JAK2: variants seen among roughly 807,000 people sequenced by gnomAD.
JAK2 encodes tyrosine-protein kinase JAK2.
JAK2 carries 86 observed loss-of-function variants against 139.3 expected under a neutral mutation model. That is an observed-to-expected ratio of 0.62 (90% CI 0.52 to 0.74). The LOEUF is 0.74. JAK2 is among the 30% of genes least tolerant of loss of function. The pLI, the probability that JAK2 is intolerant of heterozygous loss-of-function variation, is 0.00. For synonymous variants in JAK2, 490 were observed against 437.7 expected (o/e 1.12, Z -1.49); for missense variants, 1,421 against 1,360.3 (o/e 1.04, Z -0.70).
intron 10 of JAK2, 103 bp from the exon 11 acceptor site, chr9:5,068,919 T>G: frequency 1.5e-6 from 1 of 671,580 alleles, no homozygotes; most frequent in Non-Finnish European, 2.5e-6. Flanking sequence ...ATGGTTCAAA[T>G]GTTTATTCTG....
intron 22 of JAK2, chr9:5,099,210 G>A (rs759855840): frequency 2.4e-4 from 36 of 152,062 alleles, no homozygotes; most frequent in Non-Finnish European, 3.8e-4. Context: ...TAACCACTGG[G>A]CGACCAGGTC....
intron 2 of JAK2, among the ~76,000 whole-genome samples, chr9:4,999,722 T>G (rs1820816123): frequency 6.6e-6 from 1 of 152,228 alleles, no homozygotes; most frequent in African/African-American, 2.4e-5. Context: ...GTGCTAGGAT[T>G]ACAGGCGTGA....
chr9:4,993,223 A>G (rs1405316101), intron 2 of JAK2, among the ~76,000 whole-genome samples: 2 of 152,204 alleles, frequency 1.3e-5, no homozygotes, highest in East Asian at 1.9e-4. Context: ...CTGTGGGACA[A>G]CACCCTTAAG....
chr9:5,002,129 G>T (rs781310843), intron 2 of JAK2, among the ~76,000 whole-genome samples: 1 of 151,720 alleles, frequency 6.6e-6, no homozygotes, highest in Non-Finnish European at 1.5e-5. Context: ...TAAAAACAAA[G>T]TTTTGGTTTG....
rs1740671958 is a variant in JAK2, at chr9:5,090,897, A to T, written c.3045A>T (p.Glu1015Asp). 1 of 1,603,140 alleles carries T rather than the reference A, an allele frequency of 6.2e-7. No homozygotes were observed. The highest frequency in any genetic ancestry group is 1.4e-5 in the African/African-American group (1 of 74,056). The change falls in exon 22 of 25, where the codon GAA becomes GAT. Residue 1015 changes from glutamate (E) to aspartate (D), a missense_variant. Transcript: ENST00000381652. ...KEYYKVKEPGESPIFWYAPES... is the reference protein window; with the variant it reads ...KEYYKVKEPGDSPIFWYAPES... ...ACTATAAAGTAAAAGAACCTGGTGA[A>T]AGTCCCATATTCTGGTGAGTATATT... is the stretch of plus-strand genomic sequence containing the variant.
rs145666371 is a variant in JAK2 at position 4,989,844 on chromosome 9, G to T, written c.-26+3822G>T. On this transcript the variant is annotated intron_variant, in intron 2 of 24. Coordinates refer to ENST00000381652, the MANE Select transcript of JAK2 (RefSeq NM_004972.4). Reference sequence around the variant, plus strand: ...GTGTGAAAGAGTAGTAAGAAATTGTGTTAAAAATGTAGTTGGAATTTGATT... The same window carrying T: ...GTGTGAAAGAGTAGTAAGAAATTGTTTTAAAAATGTAGTTGGAATTTGATT... Among the ~76,000 whole-genome samples, 11 of 152,312 alleles carry T rather than the reference G, an allele frequency of 7.2e-5. No individual in the cohort carries two copies. In the East Asian group the frequency reaches 1.9e-3, roughly 27 times the overall value.
chr9:5,026,407 C>G (rs143015863), intron 3 of JAK2, among the ~76,000 whole-genome samples: 1 of 151,920 alleles, frequency 6.6e-6, no homozygotes, highest in Admixed American at 6.6e-5. Flanking sequence ...AATAACTTAC[C>G]GAAATTATTA....
In JAK2 at chr9:5,118,869, C is replaced by T. The variant is rs916056613; in HGVS notation, c.3060-4135C>T. Among the ~76,000 whole-genome samples the T allele has an allele frequency of 2.6e-5, 4 of 152,178 alleles. No homozygotes were observed. In the East Asian group the frequency reaches 7.7e-4, roughly 29 times the overall value. ...TATTAAAAGCAGAGAATTAAAACCA[C>T]TTGACTTTCAAAAATGAGTTTACTA... On this transcript the variant is annotated intron_variant, in intron 22 of 24. Coordinates refer to ENST00000381652, the MANE Select transcript of JAK2 (RefSeq NM_004972.4).
intron 3 of JAK2, among the ~76,000 whole-genome samples, chr9:5,026,673 A>G (rs1822803048): frequency 6.6e-6 from 1 of 152,098 alleles, no homozygotes; most frequent in South Asian, 2.1e-4. Context: ...ACTTCTAAAG[A>G]CTTGTTTTGA....
chr9:5,103,221 C>CAAAAAAAAAAAAAAAAAAA (rs56691830), intron 22 of JAK2, among the ~76,000 whole-genome samples: 4 of 6,872 alleles, frequency 5.8e-4, no homozygotes, highest in African/African-American at 1.2e-3. Flanking sequence ...AAAGGGAAAG[C>CAAAAAAAAAAAAAAAAAAA]AAAAAAAAAA....
At chr9:5,037,769 C>A (rs1407865181) in intron 4 of JAK2, among the ~76,000 whole-genome samples, 3 of 152,076 alleles carry the variant, frequency 2.0e-5, no homozygotes, top group Non-Finnish European at 4.4e-5. Flanking sequence ...TGACGAGTTA[C>A]TGGGTGCAGC....
intron 22 of JAK2, chr9:5,112,393 G>GGGA (rs1420718398): frequency 4.6e-6 from 2 of 439,202 alleles, no homozygotes; most frequent in African/African-American, 2.1e-5. Flanking sequence ...GAAATCAAGC[G>GGGA]GGAGGAGGAG....
chr9:5,094,957 C>T (rs1452390727), intron 22 of JAK2: 1 of 152,174 alleles, frequency 6.6e-6, no homozygotes, highest in Non-Finnish European at 1.5e-5. Flanking sequence ...CTACCACTTA[C>T]ATTAGCATTC....
At chr9:4,988,815 A>G (rs1006320314) in intron 2 of JAK2, among the ~76,000 whole-genome samples, 1 of 152,024 alleles carries the variant, frequency 6.6e-6, no homozygotes, top group Admixed American at 6.6e-5. Context: ...ACCATTTTCT[A>G]CCCCTTAATT....
intron 19 of JAK2, among the ~76,000 whole-genome samples, chr9:5,084,705 T>G (rs1819947893): frequency 6.6e-6 from 1 of 152,206 alleles, no homozygotes; most frequent in African/African-American, 2.4e-5. Context: ...TAACATGGAT[T>G]ATTTGTGTAA....
intron 19 of JAK2, 108 bp downstream of exon 19, chr9:5,081,969 A>G (rs1819732771): frequency 2.3e-6 from 2 of 875,358 alleles, no homozygotes; most frequent in South Asian, 3.4e-5. Flanking sequence ...GTGCTTGTAG[A>G]AAAAAAAGGT....
chr9:5,058,676 A>C (rs970319445), intron 8 of JAK2, among the ~76,000 whole-genome samples: 2 of 152,190 alleles, frequency 1.3e-5, no homozygotes, highest in African/African-American at 4.8e-5. Context: ...TACCAGGAGT[A>C]CATTCTCCAC....
At chr9:5,126,116 G>C (rs922662147) in intron 23 of JAK2, 13 of 414,182 alleles carry the variant, frequency 3.1e-5, no homozygotes, top group Non-Finnish European at 5.1e-5. Flanking sequence ...CAGGGGATTT[G>C]TGTTGAGTTT....
At chr9:4,998,417 C>G (rs1035214788) in intron 2 of JAK2, among the ~76,000 whole-genome samples, 1 of 152,072 alleles carries the variant, frequency 6.6e-6, no homozygotes, top group Admixed American at 6.5e-5. Context: ...CCACCACGCC[C>G]AGCTAATTTT....
Sources: allele counts gnomAD v4.1 joint callset (sites outside exome capture counted in the v4.1 genomes callset), GRCh38; gene constraint gnomAD v4.1.1; transcripts MANE v1.5; gene names NCBI Gene and HGNC (gene_info 2026-07-23, HGNC 2026-07-21).